Variants in DNAH2 observed in about 807,000 individuals in gnomAD.
DNAH2 encodes the protein dynein axonemal heavy chain 2.
DNAH2 carries 323 observed loss-of-function variants against 523.5 expected under a neutral mutation model. That is an observed-to-expected ratio of 0.62 (90% CI 0.56 to 0.68). DNAH2 has a LOEUF of 0.68. DNAH2 is among the 30% of genes least tolerant of loss of function. The pLI, the probability that DNAH2 is intolerant of heterozygous loss-of-function variation, is 0.00. For missense variants in DNAH2, 4,907 were observed against 5,701.5 expected (o/e 0.86, Z 4.49); for synonymous variants, 2,093 against 2,177.4 (o/e 0.96, Z 1.08).
chr17:7,823,345 T>C (rs2077915704), intron 73 of DNAH2, 97 bp from the exon 74 acceptor site: 2 of 1,009,666 alleles, frequency 2.0e-6, no homozygotes, highest in South Asian at 3.6e-5. Context: ...GAGAGAAAAA[T>C]ACAGAGAGAG....
intron 22 of DNAH2, among the ~76,000 whole-genome samples, chr17:7,767,130 A>G (rs1245571850): frequency 9.0e-6 from 1 of 111,536 alleles, no homozygotes; most frequent in African/African-American, 3.6e-5. Flanking sequence ...CCTGTTTTCC[A>G]TGTGTATGAT....
intron 24 of DNAH2, among the ~76,000 whole-genome samples, chr17:7,769,230 C>T (rs2076251836): frequency 1.3e-5 from 2 of 152,034 alleles, no homozygotes; most frequent in Admixed American, 1.3e-4. Flanking sequence ...GCTGTGATCT[C>T]GGCTCACTGT....
chr17:7,773,747 T>G (rs2076379167), intron 28 of DNAH2, among the ~76,000 whole-genome samples: 1 of 152,194 alleles, frequency 6.6e-6, no homozygotes, highest in African/African-American at 2.4e-5. Context: ...TTTTTTTTTT[T>G]GAGACGGAGT....
intron 72 of DNAH2, among the ~76,000 whole-genome samples, chr17:7,820,258 A>G (rs1447151704): frequency 6.6e-6 from 1 of 152,050 alleles, no homozygotes; most frequent in Non-Finnish European, 1.5e-5. Flanking sequence ...GAGTTGCACA[A>G]TGGTCTCCTA....
chr17:7,728,454 C>T (rs936435356), intron 4 of DNAH2, among the ~76,000 whole-genome samples: 1 of 152,012 alleles, frequency 6.6e-6, no homozygotes, highest in East Asian at 1.9e-4. Flanking sequence ...TGAACATGGG[C>T]AGAAGAACTT....
intron 12 of DNAH2, among the ~76,000 whole-genome samples, chr17:7,753,980 A>G (rs922713183): frequency 6.6e-6 from 1 of 151,932 alleles, no homozygotes; most frequent in Non-Finnish European, 1.5e-5. Flanking sequence ...CTACCGGCAG[A>G]TCAAGGAGGA....
intron 77 of DNAH2, among the ~76,000 whole-genome samples, chr17:7,825,115 G>T (rs1225867300): frequency 6.6e-6 from 1 of 152,080 alleles, no homozygotes. Flanking sequence ...TTATACCTCA[G>T]AACCTTCCTG....
At position 7,741,285 on chromosome 17, in the gene DNAH2, TCTTTCTTTCTTC is replaced by T. The variant is rs1177825297; in HGVS notation, c.1689+297_1689+308del. On this transcript the variant is annotated intron_variant, in intron 11 of 85. Transcript: ENST00000572933. The stretch of plus-strand genomic sequence containing the variant: ...TTCTTTCTTTCTTTCTTTCTTTCTT[TCTTTCTTTCTTC>T]CTTCCTTCCCTCCCTCCCTCCCTCC... Among the ~76,000 whole-genome samples the T allele has an allele frequency of 1.9e-3, 108 of 57,522 alleles. 2 individuals are homozygous for T. Among genetic ancestry groups the T allele is most frequent in the South Asian group, 0.011 (12 of 1,060 alleles). 37.7% of individuals were successfully genotyped at this position (57,522 alleles called of 152,430 possible). A position where few individuals can be genotyped will look rare whatever the true frequency, so the allele number is the denominator to read the frequency against.
intron 11 of DNAH2, among the ~76,000 whole-genome samples, chr17:7,741,650 G>T (rs1005397903): frequency 6.6e-6 from 1 of 150,658 alleles, no homozygotes; most frequent in Non-Finnish European, 1.5e-5. Context: ...GAGCCACCGC[G>T]CCCGGCTTCT....
At chr17:7,817,269 A>G in intron 64 of DNAH2, 21 bp from the exon 65 acceptor site, 1 of 1,581,074 alleles carries the variant, frequency 6.3e-7, no homozygotes, top group Non-Finnish European at 8.5e-7. Context: ...AGGCAGGCTT[A>G]CCCTCCCTCC....
In DNAH2 at chr17:7,778,304, A is replaced by G; in HGVS notation, c.5376A>G (p.Ala1792=). Reference sequence around the variant, plus strand: ...GGTGTTACATGACACTGACCACGGCATTGCACCTGCACCGAGGGGGCTCCC... The same window carrying G: ...GGTGTTACATGACACTGACCACGGCGTTGCACCTGCACCGAGGGGGCTCCC... ...TDRCYMTLTT[A]LHLHRGGSPK... is the part of the protein sequence containing the mutation. The change falls in exon 35 of 86, where the codon GCA becomes GCG. Residue 1792 remains alanine, a synonymous_variant. Coordinates refer to ENST00000572933, the MANE Select transcript of DNAH2 (RefSeq NM_020877.5). 1 of 1,614,202 alleles carries G rather than the reference A, an allele frequency of 6.2e-7. No homozygotes were observed. Among genetic ancestry groups the G allele is most frequent in the Non-Finnish European group, 8.5e-7 (1 of 1,180,032 alleles).
At chr17:7,791,517 A>G (rs1168603126) in intron 44 of DNAH2, among the ~76,000 whole-genome samples, 15 of 152,202 alleles carry the variant, frequency 9.9e-5, no homozygotes, top group Non-Finnish European at 2.2e-4. Flanking sequence ...ATGATAGAAC[A>G]CTACATTTTA....
At chr17:7,730,333 A>G (rs1346261594) in intron 4 of DNAH2, among the ~76,000 whole-genome samples, 1 of 152,230 alleles carries the variant, frequency 6.6e-6, no homozygotes, top group Admixed American at 6.5e-5. Context: ...TGCAGAAGAA[A>G]AAGCCAAGGA....
Position 7,817,968 on chromosome 17 carries a change from A to G in DNAH2, c.10259A>G (p.Gln3420Arg), listed in dbSNP as rs1164575981. 1.2e-6 allele frequency: 2 copies of G among 1,613,974 alleles called. No homozygotes were observed. Among genetic ancestry groups the G allele is most frequent in the Non-Finnish European group, 1.7e-6 (2 of 1,180,012 alleles). The change falls in exon 68 of 86, where the codon CAG becomes CGG. Residue 3420 changes from glutamine (Q) to arginine (R), a missense_variant. Gln to Arg is a conservative substitution (Grantham distance 43, BLOSUM62 1). Around this residue, in one of 3 missense-constraint regions of DNAH2, gnomAD observed 1,851 missense variants for 2,139.4 expected, o/e 0.87. Coordinates refer to ENST00000572933, the MANE Select transcript of DNAH2 (RefSeq NM_020877.5). ...GGQGLKIIDLQMSDYLRILEH... is the reference protein window; with the variant it reads ...GGQGLKIIDLRMSDYLRILEH... Reference sequence around the variant, plus strand: ...TAGGGCCTGAAGATCATCGACCTGCAGATGAGCGATTACCTGCGAATCCTA... The same window carrying G: ...TAGGGCCTGAAGATCATCGACCTGCGGATGAGCGATTACCTGCGAATCCTA...
At chr17:7,756,975 C>T (rs888095760) in intron 12 of DNAH2, 116 bp from the exon 13 acceptor site, 4 of 1,476,868 alleles carry the variant, frequency 2.7e-6, no homozygotes, top group African/African-American at 1.4e-5. Context: ...CAGGCCTCTG[C>T]TTCATTTCTC....
intron 73 of DNAH2, 121 bp from the exon 74 acceptor site, chr17:7,823,320 GT>G: frequency 1.0e-6 from 1 of 974,884 alleles, no homozygotes. Context: ...ATTCCATTTG[GT>G]TTTCCCACCG....
chr17:7,721,710 C>T (rs1047082896), intron 2 of DNAH2, among the ~76,000 whole-genome samples: 4 of 152,188 alleles, frequency 2.6e-5, no homozygotes, highest in African/African-American at 9.7e-5. Context: ...TTCCTCCTTT[C>T]AGCCCCTGGG....
chr17:7,798,862 G>T lies in DNAH2; in HGVS notation c.8559+144G>T, dbSNP rs1019882999. 7.8e-7 allele frequency: 1 copy of T among 1,275,742 alleles called. No homozygotes were observed. Among genetic ancestry groups the T allele is most frequent in the East Asian group, 2.3e-5 (1 of 42,824 alleles). 79.0% of individuals were successfully genotyped at this position (1,275,742 alleles called of 1,614,324 possible). A position where few individuals can be genotyped will look rare whatever the true frequency, so the allele number is the denominator to read the frequency against. On this transcript the variant is annotated intron_variant, in intron 55 of 85. Transcript: ENST00000572933. This position sits in a 1 kb window ranked among gnomAD's most constrained non-coding sequence, Gnocchi z 5.5. Reference sequence around the variant, plus strand: ...CCACCTCAGCCCTGTAAGGTGGAAGGTCCCCTCCAGGGACCCTGGGCAGAG... The same window carrying T: ...CCACCTCAGCCCTGTAAGGTGGAAGTTCCCCTCCAGGGACCCTGGGCAGAG...
Position 7,764,222 on chromosome 17 carries a change from A to G in DNAH2, c.3285A>G (p.Ile1095Met). Reference protein sequence around the residue: ...LANVETQIPPIHEQFAILEKY... With the variant: ...LANVETQIPPMHEQFAILEKY... ...ACGTGGAGACTCAGATCCCTCCCAT[A>G]CACGAGCAATTTGCCATTCTTGAAA... Residue 1095 changes from isoleucine to methionine, a missense_variant, in exon 20 of 86, where the codon ATA becomes ATG. By Grantham distance (10) the Ile-to-Met change is conservative (BLOSUM62 1). Coordinates refer to ENST00000572933, the MANE Select transcript of DNAH2 (RefSeq NM_020877.5). 2 of 1,613,892 alleles carry G rather than the reference A, an allele frequency of 1.2e-6. No individual in the cohort carries two copies. The highest frequency in any genetic ancestry group is 1.7e-6 in the Non-Finnish European group (2 of 1,179,892).
Sources: allele counts gnomAD v4.1 joint callset (sites outside exome capture counted in the v4.1 genomes callset), GRCh38; gene constraint gnomAD v4.1.1; regional missense constraint gnomAD v4.1.1; non-coding constraint Gnocchi (gnomAD v3.1); transcripts MANE v1.5; gene names NCBI Gene and HGNC (gene_info 2026-07-23, HGNC 2026-07-21).